The following POR variants were observed in gnomAD, a reference collection of about 807,000 sequenced individuals.
The protein encoded by POR is NADPH--cytochrome P450 reductase.
A neutral mutation model predicts 84.0 loss-of-function variants in POR; 56 were observed. The ratio of observed to expected loss-of-function variants is 0.67; its 90% CI spans 0.54 to 0.83. The LOEUF (loss-of-function observed/expected upper bound fraction) is 0.83, where lower values mean the gene tolerates loss of function less well. Ranked by LOEUF, POR falls within the 40% of genes least tolerant of loss-of-function variation. The probability of loss-of-function intolerance (pLI) is 0.00; values close to 1 mark genes in which losing one functional copy is unlikely to be tolerated. For missense variants in POR, 938 were observed against 944.3 expected (o/e 0.99, Z 0.09); for synonymous variants, 414 against 400.5 (o/e 1.03, Z -0.40).
At chr7:75,972,803 T>G in intron 3 of POR, 1 of 353,856 alleles carries the variant, frequency 2.8e-6, no homozygotes, top group East Asian at 6.0e-5. Flanking sequence ...ACCACTGCCA[T>G]TTTCTCTCCG....
Position 75,983,563 on chromosome 7 carries a change from A to T in POR, c.874A>T (p.Asn292Tyr). Residue 292 changes from asparagine to tyrosine, a missense_variant, in exon 9 of 16, where the codon AAC (asparagine) becomes TAC (tyrosine). Physicochemically the swap from Asn to Tyr is moderately radical, Grantham distance 143 (BLOSUM62 -2). Transcript: ENST00000461988. ...TCCGTTCCTGGCTGCAGTCACCACCAACCGGAAGCTGAACCAGGGAACCGA... is the reference window on the plus strand; with the variant it reads ...TCCGTTCCTGGCTGCAGTCACCACCTACCGGAAGCTGAACCAGGGAACCGA... 1 of 1,613,030 alleles carries T rather than the reference A, an allele frequency of 6.2e-7. No homozygotes were observed.
intron 1 of POR, among the ~76,000 whole-genome samples, chr7:75,920,410 A>C (rs76007016): frequency 0.14 from 20,744 of 152,096 alleles, 1,832 homozygotes; most frequent in South Asian, 0.21. Context: ...TGGTAGGAGA[A>C]TAGAAGGGGG....
chr7:75,986,301 T>C (rs1554559423), intron 15 of POR, 36 bp from the exon 16 acceptor site: 2 of 1,612,686 alleles, frequency 1.2e-6, no homozygotes, highest in South Asian at 2.2e-5. Context: ...CCTGCCACAG[T>C]TGGCCCAGCC....
chr7:75,976,077 T>C (rs1554556791), intron 3 of POR, among the ~76,000 whole-genome samples: 1 of 152,142 alleles, frequency 6.6e-6, no homozygotes, highest in African/African-American at 2.4e-5. Flanking sequence ...CCTTTGTGTG[T>C]AGTTCAGTAG....
At position 75,926,651 on chromosome 7, in the gene POR, G is replaced by A. The variant is rs373540078; in HGVS notation, c.-5+11472G>A. Among the ~76,000 whole-genome samples, 96 of 152,174 alleles carry A rather than the reference G, an allele frequency of 6.3e-4. No homozygotes were observed. The Middle Eastern group carries it at 0.01, about 16-fold the overall frequency. The stretch of plus-strand genomic sequence containing the variant: ...CTCTACTAAAAATACAAAATTAGCC[G>A]GGCGTGGTGGTGCATGCCTGTAATC... On this transcript the variant is annotated intron_variant, in intron 1 of 15. Transcript: ENST00000461988.
chr7:75,924,596 T>C (rs993520276), intron 1 of POR, among the ~76,000 whole-genome samples: 1 of 152,078 alleles, frequency 6.6e-6, no homozygotes, highest in Non-Finnish European at 1.5e-5. Context: ...TCCCAACTAC[T>C]TGGGAGGCTG....
intron 1 of POR, among the ~76,000 whole-genome samples, chr7:75,949,556 A>T (rs1246911641): frequency 1.3e-5 from 2 of 151,162 alleles, no homozygotes; most frequent in Non-Finnish European, 1.5e-5. Flanking sequence ...CCAGCACTCC[A>T]GGCTGGAGTC....
intron 2 of POR, among the ~76,000 whole-genome samples, chr7:75,959,981 G>A (rs1585110512): frequency 6.6e-6 from 1 of 152,026 alleles, no homozygotes; most frequent in African/African-American, 2.4e-5. Flanking sequence ...AATAATAGTA[G>A]CAGTAATGAT....
At chr7:75,973,868 C>T (rs1408415932) in intron 3 of POR, among the ~76,000 whole-genome samples, 9 of 151,466 alleles carry the variant, frequency 5.9e-5, no homozygotes, top group East Asian at 5.8e-4. Flanking sequence ...TTAGTAGAGA[C>T]GGGGTTTCAC....
intron 1 of POR, among the ~76,000 whole-genome samples, chr7:75,942,544 A>G (rs781785299): frequency 6.6e-6 from 1 of 151,144 alleles, no homozygotes; most frequent in African/African-American, 2.5e-5. Context: ...AGGTTAGATG[A>G]GAGCTGCTCA....
intron 1 of POR, among the ~76,000 whole-genome samples, chr7:75,953,044 A>C (rs960298986): frequency 6.6e-6 from 1 of 152,148 alleles, no homozygotes; most frequent in Non-Finnish European, 1.5e-5. Context: ...GCACTGAGGG[A>C]ACGAGACTCC....
chr7:75,922,304 T>G (rs1415270674), intron 1 of POR, among the ~76,000 whole-genome samples: 3 of 150,774 alleles, frequency 2.0e-5, no homozygotes, highest in African/African-American at 4.9e-5. Flanking sequence ...ATGTCAAAAT[T>G]GGGTCTGATC....
At chr7:75,962,937 A>G (rs1395111388) in intron 2 of POR, among the ~76,000 whole-genome samples, 1 of 152,034 alleles carries the variant, frequency 6.6e-6, no homozygotes, top group African/African-American at 2.4e-5. Flanking sequence ...TTGAAACATC[A>G]TTTGTATCAC....
At chr7:75,972,818 G>T in intron 3 of POR, 4 of 315,580 alleles carry the variant, frequency 1.3e-5, no homozygotes, top group East Asian at 7.5e-5. Context: ...TCTCCGCTTT[G>T]TTTTTGTTAC....
chr7:75,980,749 A>T lies in POR; in HGVS notation c.516+261A>T, dbSNP rs1554557664. On this transcript the variant is annotated intron_variant, in intron 5 of 15. Coordinates refer to ENST00000461988, the MANE Select transcript of POR (RefSeq NM_000941.3). The stretch of plus-strand genomic sequence containing the variant: ...CAAGAAAGGTCTGGCTGGACGACTG[A>T]GACCTGCCTGGCCTCGGAGAGCTGG... 4.1e-6 allele frequency: 6 copies of T among 1,464,166 alleles called. No individual in the cohort carries two copies. The Admixed American group carries it at 8.6e-5, about 21-fold the overall frequency. 90.7% of individuals were successfully genotyped at this position (1,464,166 alleles called of 1,614,324 possible). A position where few individuals can be genotyped will look rare whatever the true frequency, so the allele number is the denominator to read the frequency against.
At chr7:75,933,492 G>A (rs1226128367) in intron 1 of POR, among the ~76,000 whole-genome samples, 6 of 146,640 alleles carry the variant, frequency 4.1e-5, no homozygotes, top group South Asian at 2.3e-4. Context: ...AGGTTCAAGC[G>A]ATTCTCCTGC....
chr7:75,985,895 C>T (rs559005223), intron 13 of POR, 28 bp from the exon 14 acceptor site: 66 of 1,561,218 alleles, frequency 4.2e-5, no homozygotes, highest in Non-Finnish European at 4.8e-5. Flanking sequence ...CTGGGAGCCC[C>T]GCGCTCACCC....
chr7:75,951,981 C>T (rs1787442387), intron 1 of POR, among the ~76,000 whole-genome samples: 1 of 150,676 alleles, frequency 6.6e-6, no homozygotes, highest in African/African-American at 2.5e-5. Flanking sequence ...CCCCACCTCC[C>T]TCCCGGACGG....
At chr7:75,982,190 C>T in intron 7 of POR, 34 bp from the exon 8 acceptor site, 7 of 1,561,926 alleles carry the variant, frequency 4.5e-6, no homozygotes, top group Non-Finnish European at 6.1e-6. Context: ...ACCCCTGCCG[C>T]TTCCCGGCCT....
Sources: allele counts gnomAD v4.1 joint callset (sites outside exome capture counted in the v4.1 genomes callset), GRCh38; gene constraint gnomAD v4.1.1; transcripts MANE v1.5; gene names NCBI Gene and HGNC (gene_info 2026-07-23, HGNC 2026-07-21).